The following BRD3OS variants were observed in gnomAD, a reference collection of about 807,000 sequenced individuals.
BRD3OS encodes uncharacterized protein BRD3OS.
At position 134,029,626 on chromosome 9, in the gene BRD3OS, T is replaced by A. The variant is rs1843480750; in HGVS notation, c.*2624T>A. ...CCAGGCCTAGTTCCAGAGCTGTCAT[T>A]CTTCGGCGAGCCGCGCTGCACGCCA... is the stretch of plus-strand genomic sequence containing the variant. On this transcript the variant is annotated 3_prime_UTR_variant, in exon 3 of 3. Coordinates refer to ENST00000603928, the MANE Select transcript of BRD3OS (RefSeq NM_001355256.2). 1 of 152,294 alleles carries A rather than the reference T, an allele frequency of 6.6e-6. No homozygotes were observed. The highest frequency in any genetic ancestry group is 2.4e-5 in the African/African-American group (1 of 41,480). The allele number at this position is 152,294 out of a possible 1,614,324, so 9.4% of individuals were successfully genotyped here.
In BRD3OS at chr9:134,031,505, G is replaced by A. The variant is rs953629277; in HGVS notation, c.*4503G>A. ...TTTAGAAAATACCTTTGAAAACGAG[G>A]GTAACTTTAAAAAATGGAAACTTTC... On this transcript the variant is annotated 3_prime_UTR_variant, in exon 3 of 3. Transcript: ENST00000603928. The A allele has an allele frequency of 2.0e-5, 4 of 201,170 alleles. No homozygotes were observed. Among genetic ancestry groups the A allele is most frequent in the African/African-American group, 2.3e-5 (1 of 43,414 alleles). The allele number at this position is 201,170 out of a possible 1,614,324, so 12.5% of individuals were successfully genotyped here. A position where few individuals can be genotyped will look rare whatever the true frequency, so the allele number is the denominator to read the frequency against.
Position 134,031,439 on chromosome 9 carries a change from G to C in BRD3OS, c.*4437G>C, listed in dbSNP as rs1843511207. ...TGAAGACCTGTCAACTGTCGTGTGT[G>C]AATTCCTTAAATTCGGTTTAAATAG... On this transcript the variant is annotated 3_prime_UTR_variant, in exon 3 of 3. Transcript: ENST00000603928. 1 of 206,378 alleles carries C rather than the reference G, an allele frequency of 4.8e-6. No homozygotes were observed. The highest frequency in any genetic ancestry group is 1.9e-4 in the South Asian group (1 of 5,280). 12.8% of individuals were successfully genotyped at this position (206,378 alleles called of 1,614,324 possible).
rs1564543499 is a variant in BRD3OS, at chr9:134,029,143, C to CT, written c.*2143dup. ...AGGGTTTGTCTGCATCTTTTCAGTTCTTCAGTTTAAGTCCTGCCTGGGAAG... is the reference window on the plus strand; with the variant it reads ...AGGGTTTGTCTGCATCTTTTCAGTTCTTTCAGTTTAAGTCCTGCCTGGGAAG... On this transcript the variant is annotated 3_prime_UTR_variant, in exon 3 of 3. Transcript: ENST00000603928. 6.6e-6 allele frequency: 1 copy of CT among 152,298 alleles called. No individual in the cohort carries two copies. The highest frequency in any genetic ancestry group is 2.4e-5 in the African/African-American group (1 of 41,464). 9.4% of individuals were successfully genotyped at this position (152,298 alleles called of 1,614,324 possible).
At chr9:134,025,688 G>A (rs1377714609) in intron 1 of BRD3OS, among the ~76,000 whole-genome samples, 152 bp downstream of exon 1, 1 of 152,208 alleles carries the variant, frequency 6.6e-6, no homozygotes, top group Non-Finnish European at 1.5e-5. Context: ...GCAGGTGGCG[G>A]GGACGCGCGA....
chr9:134,027,229 C>A lies in BRD3OS; in HGVS notation c.*227C>A. 1 of 342,144 alleles carries A rather than the reference C, an allele frequency of 2.9e-6. No homozygotes were observed. The allele number at this position is 342,144 out of a possible 1,614,324, so 21.2% of individuals were successfully genotyped here. A position where few individuals can be genotyped will look rare whatever the true frequency, so the allele number is the denominator to read the frequency against. On this transcript the variant is annotated 3_prime_UTR_variant, in exon 3 of 3. Transcript: ENST00000603928. ...GACACTTCCCCTCTAGAGTCCCCTC[C>A]GTGGTCAGCTGTTGTGACATTTGAA...
At position 134,026,779 on chromosome 9, in the gene BRD3OS, C is replaced by T. The variant is rs1383077637; in HGVS notation, c.32C>T (p.Ala11Val). The change falls in exon 3 of 3, where the codon GCC becomes GTC. Residue 11 changes from alanine (A) to valine (V), a missense_variant. Transcript: ENST00000603928. The surrounding 1 kb of genome is among the most constrained non-coding windows in gnomAD (Gnocchi z 4.4). The part of the protein sequence containing the change: MSGRVPLAEK[A>V]LSEGYARLRY... ...GGCCGTGTCCCCCTGGCAGAGAAGG[C>T]CTTGTCTGAAGGCTACGCCCGCCTC... is the stretch of plus-strand genomic sequence containing the variant. 2.5e-6 allele frequency: 1 copy of T among 398,886 alleles called. No homozygotes were observed. Among genetic ancestry groups the T allele is most frequent in the Non-Finnish European group, 4.4e-6 (1 of 226,112 alleles). The allele number at this position is 398,886 out of a possible 1,614,324, so 24.7% of individuals were successfully genotyped here. A position where few individuals can be genotyped will look rare whatever the true frequency, so the allele number is the denominator to read the frequency against.
rs1328211062 is a variant in BRD3OS at position 134,028,040 on chromosome 9, G to A, written c.*1038G>A. 2 of 152,256 alleles carry A rather than the reference G, an allele frequency of 1.3e-5. No individual in the cohort carries two copies. The highest frequency in any genetic ancestry group is 2.9e-5 in the Non-Finnish European group (2 of 68,052). 9.4% of individuals were successfully genotyped at this position (152,256 alleles called of 1,614,324 possible). On this transcript the variant is annotated 3_prime_UTR_variant, in exon 3 of 3. Coordinates refer to ENST00000603928, the MANE Select transcript of BRD3OS (RefSeq NM_001355256.2). ...CTGACATCTCCTTGGCTACACAAATGTGCAGGTGTCTCTTGTCAAAGCTAA... is the reference window on the plus strand; with the variant it reads ...CTGACATCTCCTTGGCTACACAAATATGCAGGTGTCTCTTGTCAAAGCTAA...
chr9:134,029,547 T>A lies in BRD3OS; in HGVS notation c.*2545T>A, dbSNP rs1194060380. On this transcript the variant is annotated 3_prime_UTR_variant, in exon 3 of 3. Coordinates refer to ENST00000603928, the MANE Select transcript of BRD3OS (RefSeq NM_001355256.2). Reference sequence around the variant, plus strand: ...CCCATCTGGGGTCGGGCTGGACAGGTCCTCAGGCCTAGACGTGGGCCCAGC... The same window carrying A: ...CCCATCTGGGGTCGGGCTGGACAGGACCTCAGGCCTAGACGTGGGCCCAGC... 25 of 152,132 alleles carry A rather than the reference T, an allele frequency of 1.6e-4. No individual in the cohort carries two copies. Among genetic ancestry groups the A allele is most frequent in the Admixed American group, 1.6e-3 (25 of 15,272 alleles). The allele number at this position is 152,132 out of a possible 1,614,324, so 9.4% of individuals were successfully genotyped here. A position where few individuals can be genotyped will look rare whatever the true frequency, so the allele number is the denominator to read the frequency against.
In BRD3OS at chr9:134,031,506, G is replaced by T. The variant is rs1843512119; in HGVS notation, c.*4504G>T. On this transcript the variant is annotated 3_prime_UTR_variant, in exon 3 of 3. Transcript: ENST00000603928. ...TTAGAAAATACCTTTGAAAACGAGG[G>T]TAACTTTAAAAAATGGAAACTTTCA... 5.0e-6 allele frequency: 1 copy of T among 201,406 alleles called. No individual in the cohort carries two copies. Among genetic ancestry groups the T allele is most frequent in the Non-Finnish European group, 1.0e-5 (1 of 98,088 alleles). 12.5% of individuals were successfully genotyped at this position (201,406 alleles called of 1,614,324 possible).
rs1335872606 is a variant in BRD3OS at position 134,031,152 on chromosome 9, T to C, written c.*4150T>C. The C allele has an allele frequency of 8.8e-6, 2 of 226,680 alleles. No individual in the cohort carries two copies. The highest frequency in any genetic ancestry group is 1.8e-5 in the Non-Finnish European group (2 of 114,108). 14.0% of individuals were successfully genotyped at this position (226,680 alleles called of 1,614,324 possible). Reference sequence around the variant, plus strand: ...ACCCGCCGTGGGCTGTCAGGGTCAGTGGCTTCTTTCTAGATGAAAGGAGCA... The same window carrying C: ...ACCCGCCGTGGGCTGTCAGGGTCAGCGGCTTCTTTCTAGATGAAAGGAGCA... On this transcript the variant is annotated 3_prime_UTR_variant, in exon 3 of 3. Coordinates refer to ENST00000603928, the MANE Select transcript of BRD3OS (RefSeq NM_001355256.2).
Position 134,028,213 on chromosome 9 carries a change from A to G in BRD3OS, c.*1211A>G, listed in dbSNP as rs955210419. 1 of 152,266 alleles carries G rather than the reference A, an allele frequency of 6.6e-6. No individual in the cohort carries two copies. Among genetic ancestry groups the G allele is most frequent in the Non-Finnish European group, 1.5e-5 (1 of 68,050 alleles). The allele number at this position is 152,266 out of a possible 1,614,324, so 9.4% of individuals were successfully genotyped here. A position where few individuals can be genotyped will look rare whatever the true frequency, so the allele number is the denominator to read the frequency against. ...GCTAAAGACTGCAATACACAAAGGCATAAAGCAAAGCACAAGTGCTCTCCG... is the reference window on the plus strand; with the variant it reads ...GCTAAAGACTGCAATACACAAAGGCGTAAAGCAAAGCACAAGTGCTCTCCG... On this transcript the variant is annotated 3_prime_UTR_variant, in exon 3 of 3. Transcript: ENST00000603928.
rs943096234 is a variant in BRD3OS, at chr9:134,028,393, G to A, written c.*1391G>A. 2.6e-5 allele frequency: 4 copies of A among 152,188 alleles called. No individual in the cohort carries two copies. The highest frequency in any genetic ancestry group is 4.2e-4 in the South Asian group (2 of 4,816). The allele number at this position is 152,188 out of a possible 1,614,324, so 9.4% of individuals were successfully genotyped here. On this transcript the variant is annotated 3_prime_UTR_variant, in exon 3 of 3. Coordinates refer to ENST00000603928, the MANE Select transcript of BRD3OS (RefSeq NM_001355256.2). ...TGTACAGACTGGGCATTCACTTAAT[G>A]CTTTTCTTTTTTTTTAAGAGAGTCT...
At position 134,030,494 on chromosome 9, in the gene BRD3OS, G is replaced by A. The variant is rs1399509493; in HGVS notation, c.*3492G>A. 2 of 203,454 alleles carry A rather than the reference G, an allele frequency of 9.8e-6. No homozygotes were observed. The highest frequency in any genetic ancestry group is 4.6e-5 in the African/African-American group (2 of 43,488). The allele number at this position is 203,454 out of a possible 1,614,324, so 12.6% of individuals were successfully genotyped here. A position where few individuals can be genotyped will look rare whatever the true frequency, so the allele number is the denominator to read the frequency against. Reference sequence around the variant, plus strand: ...TCATTTTCAGTAACTGACATTTACAGGAATATACTAGAAACGGCACTAAAA... The same window carrying A: ...TCATTTTCAGTAACTGACATTTACAAGAATATACTAGAAACGGCACTAAAA... On this transcript the variant is annotated 3_prime_UTR_variant, in exon 3 of 3. Coordinates refer to ENST00000603928, the MANE Select transcript of BRD3OS (RefSeq NM_001355256.2).
rs1002238570 is a variant in BRD3OS, at chr9:134,031,275, C to T, written c.*4273C>T. 8 of 209,320 alleles carry T rather than the reference C, an allele frequency of 3.8e-5. No homozygotes were observed. Among genetic ancestry groups the T allele is most frequent in the Admixed American group, 3.0e-4 (5 of 16,882 alleles). 13.0% of individuals were successfully genotyped at this position (209,320 alleles called of 1,614,324 possible). Reference sequence around the variant, plus strand: ...CCCCCACAGCCGGCCGCTCCCCCGACGGCTCACACAGGCAGCACCTCACTG... The same window carrying T: ...CCCCCACAGCCGGCCGCTCCCCCGATGGCTCACACAGGCAGCACCTCACTG... On this transcript the variant is annotated 3_prime_UTR_variant, in exon 3 of 3. Coordinates refer to ENST00000603928, the MANE Select transcript of BRD3OS (RefSeq NM_001355256.2).
chr9:134,029,870 T>G lies in BRD3OS; in HGVS notation c.*2868T>G, dbSNP rs970581740. ...AATGAACTGTCAGTAAAGGGGATTG[T>G]GGCTTCCTAGTGAGGCAAGAAATGA... is the stretch of plus-strand genomic sequence containing the variant. On this transcript the variant is annotated 3_prime_UTR_variant, in exon 3 of 3. Transcript: ENST00000603928. 36 of 152,232 alleles carry G rather than the reference T, an allele frequency of 2.4e-4. No homozygotes were observed. Among genetic ancestry groups the G allele is most frequent in the African/African-American group, 6.0e-4 (25 of 41,452 alleles). 9.4% of individuals were successfully genotyped at this position (152,232 alleles called of 1,614,324 possible).
At position 134,027,758 on chromosome 9, in the gene BRD3OS, A is replaced by G. The variant is rs1843448157; in HGVS notation, c.*756A>G. 6.6e-6 allele frequency: 1 copy of G among 152,224 alleles called. No homozygotes were observed. The highest frequency in any genetic ancestry group is 2.4e-5 in the African/African-American group (1 of 41,452). 9.4% of individuals were successfully genotyped at this position (152,224 alleles called of 1,614,324 possible). A position where few individuals can be genotyped will look rare whatever the true frequency, so the allele number is the denominator to read the frequency against. ...AAATGATCATCATCTGTGAAGCATCATGGTAGCTTCCAAGCATTTGCGGCC... is the reference window on the plus strand; with the variant it reads ...AAATGATCATCATCTGTGAAGCATCGTGGTAGCTTCCAAGCATTTGCGGCC... On this transcript the variant is annotated 3_prime_UTR_variant, in exon 3 of 3. Coordinates refer to ENST00000603928, the MANE Select transcript of BRD3OS (RefSeq NM_001355256.2).
At position 134,027,316 on chromosome 9, in the gene BRD3OS, A is replaced by T. The variant is rs1437855661; in HGVS notation, c.*314A>T. The T allele has an allele frequency of 8.4e-6, 2 of 237,068 alleles. No individual in the cohort carries two copies. The highest frequency in any genetic ancestry group is 1.6e-5 in the Non-Finnish European group (2 of 124,296). 14.7% of individuals were successfully genotyped at this position (237,068 alleles called of 1,614,324 possible). ...CACTGCTAGATGCTTGGTTTAAACC[A>T]GGCCAAGAGTAACCCTCCCATCCCC... is the stretch of plus-strand genomic sequence containing the variant. On this transcript the variant is annotated 3_prime_UTR_variant, in exon 3 of 3. Transcript: ENST00000603928.
rs1196750496 is a variant in BRD3OS, at chr9:134,026,465, A to G, written c.-283A>G. 1 of 257,606 alleles carries G rather than the reference A, an allele frequency of 3.9e-6. No individual in the cohort carries two copies. Among genetic ancestry groups the G allele is most frequent in the Non-Finnish European group, 7.3e-6 (1 of 136,650 alleles). 16.0% of individuals were successfully genotyped at this position (257,606 alleles called of 1,614,324 possible). A position where few individuals can be genotyped will look rare whatever the true frequency, so the allele number is the denominator to read the frequency against. On this transcript the variant is annotated 5_prime_UTR_variant, in exon 3 of 3. Coordinates refer to ENST00000603928, the MANE Select transcript of BRD3OS (RefSeq NM_001355256.2). The surrounding 1 kb of genome is among the most constrained non-coding windows in gnomAD (Gnocchi z 4.4). ...GACGCCTCGTCCCTGTCAATTCCAC[A>G]CAGCTGCACCCGGAAGAGCTGTGGC...
Position 134,026,515 on chromosome 9 carries a change from G to C in BRD3OS, c.-233G>C, listed in dbSNP as rs1351612471. The C allele has an allele frequency of 8.8e-6, 3 of 340,796 alleles. No individual in the cohort carries two copies. Among genetic ancestry groups the C allele is most frequent in the Non-Finnish European group, 1.6e-5 (3 of 189,472 alleles). 21.1% of individuals were successfully genotyped at this position (340,796 alleles called of 1,614,324 possible). ...CCGGGCGCCGCTCTGACCTGTGTGCGGTCCCCTGAATGGGTCTCAGGTGTC... is the reference window on the plus strand; with the variant it reads ...CCGGGCGCCGCTCTGACCTGTGTGCCGTCCCCTGAATGGGTCTCAGGTGTC... On this transcript the variant is annotated 5_prime_UTR_variant, in exon 3 of 3. Transcript: ENST00000603928. The surrounding 1 kb of genome is among the most constrained non-coding windows in gnomAD (Gnocchi z 4.4).
Sources: gnomAD v4.1 joint callset for allele counts (sites outside exome capture counted in the v4.1 genomes callset) on GRCh38, gnomAD v4.1.1 for gene constraint, Gnocchi (gnomAD v3.1) non-coding constraint, MANE v1.5 for transcripts, NCBI Gene and HGNC (gene_info 2026-07-23, HGNC 2026-07-21) for gene names.